Variants in LDLRAD4 observed in about 807,000 individuals in gnomAD.
LDLRAD4 encodes the protein low density lipoprotein receptor class A domain containing 4.
A neutral mutation model predicts 17.0 loss-of-function variants in LDLRAD4; 5 were observed. The ratio of observed to expected loss-of-function variants is 0.29; its 90% CI spans 0.15 to 0.62. The LOEUF (loss-of-function observed/expected upper bound fraction) is 0.62. Among genes scored for constraint, LDLRAD4 ranks in the 20% least tolerant of loss-of-function variants. The probability of loss-of-function intolerance (pLI) is 0.84; values close to 1 mark genes in which losing one functional copy is unlikely to be tolerated. For missense variants in LDLRAD4, 340 were observed against 424.7 expected (o/e 0.80, Z 1.75); for synonymous variants, 168 against 171.8 (o/e 0.98, Z 0.17).
chr18:13,394,754 G>A (rs1030045393), intron 2 of LDLRAD4, among the ~76,000 whole-genome samples: 2 of 152,210 alleles, frequency 1.3e-5, no homozygotes, highest in Non-Finnish European at 2.9e-5. Context: ...CTGCCACTGA[G>A]TATCCAGGAT....
chr18:13,456,710 A>T (rs932655123), intron 3 of LDLRAD4, among the ~76,000 whole-genome samples: 1 of 152,212 alleles, frequency 6.6e-6, no homozygotes, highest in African/African-American at 2.4e-5. Context: ...TTTGCTTTTT[A>T]AAAGGGTATT....
At chr18:13,549,947 C>T (rs949663757) in intron 3 of LDLRAD4, among the ~76,000 whole-genome samples, 1 of 152,174 alleles carries the variant, frequency 6.6e-6, no homozygotes, top group African/African-American at 2.4e-5. Flanking sequence ...AGCTGCATTT[C>T]TTCTGTATAA....
At chr18:13,530,207 A>T (rs1328570647) in intron 3 of LDLRAD4, among the ~76,000 whole-genome samples, 1 of 152,156 alleles carries the variant, frequency 6.6e-6, no homozygotes, top group Non-Finnish European at 1.5e-5. Context: ...AAAACCATAA[A>T]CCTCAATAAA....
chr18:13,237,742 C>T (rs2042408267), intron 1 of LDLRAD4, among the ~76,000 whole-genome samples: 1 of 152,168 alleles, frequency 6.6e-6, no homozygotes, highest in Admixed American at 6.5e-5. Flanking sequence ...TGGAGAACCC[C>T]CTTCATGGAG....
intron 3 of LDLRAD4, among the ~76,000 whole-genome samples, chr18:13,595,919 C>T (rs1268895122): frequency 1.3e-5 from 2 of 152,128 alleles, no homozygotes; most frequent in Non-Finnish European, 2.9e-5. Context: ...CTTCTATTTC[C>T]TTGTCGATCC....
chr18:13,506,074 T>A (rs1022921579), intron 3 of LDLRAD4, among the ~76,000 whole-genome samples: 6 of 152,168 alleles, frequency 3.9e-5, no homozygotes, highest in Admixed American at 2.6e-4. Context: ...GTTTCTTTAA[T>A]GTGAACTTGT....
intron 1 of LDLRAD4, among the ~76,000 whole-genome samples, chr18:13,282,672 T>C (rs975797526): frequency 2.3e-4 from 35 of 152,190 alleles, no homozygotes; most frequent in Admixed American, 6.5e-5. Flanking sequence ...TGCTTGCACA[T>C]GCTGGCATTG....
chr18:13,327,014 C>T lies in LDLRAD4; in HGVS notation c.-383+48826C>T, dbSNP rs557717211. On this transcript the variant is annotated intron_variant, in intron 1 of 5. Coordinates refer to ENST00000359446, the Ensembl canonical transcript of LDLRAD4. ...ATTGTCACTGTTACCATCATCAATACGCTACTTCCTTGGCATCTGGGTCTC... is the reference window on the plus strand; with the variant it reads ...ATTGTCACTGTTACCATCATCAATATGCTACTTCCTTGGCATCTGGGTCTC... Among the ~76,000 whole-genome samples, 5 of 152,204 alleles carry T rather than the reference C, an allele frequency of 3.3e-5. No homozygotes were observed. The East Asian group carries it at 7.7e-4, about 24-fold the overall frequency.
At chr18:13,266,109 A>C (rs942012821) in intron 1 of LDLRAD4, among the ~76,000 whole-genome samples, 1 of 152,220 alleles carries the variant, frequency 6.6e-6, no homozygotes, top group African/African-American at 2.4e-5. Context: ...CGTGTGTTTT[A>C]GCAAGAATGG....
intron 1 of LDLRAD4, among the ~76,000 whole-genome samples, chr18:13,379,998 C>CCCTGCCCGCCAGCCA (rs2085226217): frequency 6.6e-6 from 1 of 152,160 alleles, no homozygotes; most frequent in Non-Finnish European, 1.5e-5. Context: ...CCCGCCAGCC[C>CCCTGCCCGCCAGCCA]CCTGCCCGTC....
At chr18:13,523,639 C>T (rs942415886) in intron 3 of LDLRAD4, among the ~76,000 whole-genome samples, 10 of 152,160 alleles carry the variant, frequency 6.6e-5, no homozygotes, top group Admixed American at 1.3e-4. Context: ...CTGGCCAGAG[C>T]GTCTCCCCAT....
At chr18:13,277,965 A>G (rs930336553), upstream of LDLRAD4, 4 of 152,070 alleles carry the variant, frequency 2.6e-5, no homozygotes, top group African/African-American at 9.7e-5. Flanking sequence ...GATGCCTATT[A>G]TTGCATTTTT....
At position 13,460,010 on chromosome 18, in the gene LDLRAD4, G is replaced by A. The variant is rs767203101; in HGVS notation, c.181+21626G>A. On this transcript the variant is annotated intron_variant, in intron 3 of 5. Coordinates refer to ENST00000359446, the Ensembl canonical transcript of LDLRAD4. ...TTCCACAGCCAGTGACTGAGCTGGA[G>A]CCAGGGCCACTGCCCCCACGTCGTC... The A allele has an allele frequency of 5.7e-4, 88 of 154,068 alleles. 1 individual carries two copies. The highest frequency in any genetic ancestry group is 9.3e-4 in the Non-Finnish European group (63 of 67,996). The allele number at this position is 154,068 out of a possible 1,614,324, so 9.5% of individuals were successfully genotyped here.
intron 3 of LDLRAD4, among the ~76,000 whole-genome samples, chr18:13,537,226 A>G (rs963645414): frequency 3.9e-5 from 6 of 152,192 alleles, no homozygotes; most frequent in African/African-American, 1.4e-4. Flanking sequence ...ACAGTCATGC[A>G]TTGCTTACAG....
intron 3 of LDLRAD4, among the ~76,000 whole-genome samples, chr18:13,560,113 A>C (rs2094525321): frequency 6.6e-6 from 1 of 152,024 alleles, no homozygotes; most frequent in Non-Finnish European, 1.5e-5. Flanking sequence ...TCATGCTTTT[A>C]TTTTTTTCTT....
At chr18:13,649,831 C>T (rs532914387) in exon 6 of LDLRAD4, 11 of 392,018 alleles carry the variant, frequency 2.8e-5, no homozygotes, top group East Asian at 7.2e-5. Context: ...TGGAGCCAAG[C>T]CTTCATGCCA....
intron 1 of LDLRAD4, among the ~76,000 whole-genome samples, chr18:13,243,634 G>A (rs1233866063): frequency 1.5e-5 from 2 of 132,326 alleles, no homozygotes; most frequent in Non-Finnish European, 1.6e-5. Context: ...CCACGCACCC[G>A]CACATTCATC....
intron 4 of LDLRAD4, among the ~76,000 whole-genome samples, chr18:13,636,534 C>T (rs1405738361): frequency 3.2e-5 from 2 of 62,418 alleles, no homozygotes; most frequent in Non-Finnish European, 1.3e-4. Context: ...CTTGCTCTGT[C>T]GCCCAGGCTG....
chr18:13,352,493 T>G (rs1177920608), intron 1 of LDLRAD4, among the ~76,000 whole-genome samples: 1 of 152,204 alleles, frequency 6.6e-6, no homozygotes, highest in Non-Finnish European at 1.5e-5. Context: ...ATCTTTTGTA[T>G]ATGATGGTTC....
Sources: gnomAD v4.1 joint callset for allele counts (sites outside exome capture counted in the v4.1 genomes callset) on GRCh38, gnomAD v4.1.1 for gene constraint, MANE v1.5 for transcripts, NCBI Gene and HGNC (gene_info 2026-07-23, HGNC 2026-07-21) for gene names.